The following PCDHA4 variants were observed in gnomAD, a reference collection of about 807,000 sequenced individuals.
The protein encoded by PCDHA4 is protocadherin alpha 4.
In PCDHA4, 49 loss-of-function variants were observed where a neutral mutation model predicts 61.4. The observed-to-expected ratio is 0.80, with a 90% CI of 0.63 to 1.01. The LOEUF (loss-of-function observed/expected upper bound fraction) is 1.01. Ranked by LOEUF, PCDHA4 falls within the 50% of genes least tolerant of loss-of-function variation. The probability of loss-of-function intolerance (pLI) is 0.00; values close to 1 mark genes in which losing one functional copy is unlikely to be tolerated. For synonymous variants in PCDHA4, 590 were observed against 550.3 expected (o/e 1.07, Z -1.01); for missense variants, 1,254 against 1,235.8 (o/e 1.01, Z -0.22).
chr5:140,836,679 A>G (rs2150267656), intron 1 of PCDHA4: 3 of 1,613,334 alleles, frequency 1.9e-6, no homozygotes, highest in East Asian at 4.5e-5. Context: ...GGGCCCACCC[A>G]AGACAGACCT....
At chr5:140,822,900 CCGTGA>C in intron 1 of PCDHA4, 1 of 1,614,266 alleles carries the variant, frequency 6.2e-7, no homozygotes. Flanking sequence ...GCGTGTCTGA[CCGTGA>C]CTCAGGTGCC....
In PCDHA4 at chr5:140,857,433, T is replaced by C. The variant is rs2044590478; in HGVS notation, c.2385+47861T>C. On this transcript the variant is annotated intron_variant, in intron 1 of 3. Transcript: ENST00000530339. ...TTCGCGCAGTCCGAGTACACGGTGTTCGTGAAGGAGAACAACCCGCCAGGC... is the reference window on the plus strand; with the variant it reads ...TTCGCGCAGTCCGAGTACACGGTGTCCGTGAAGGAGAACAACCCGCCAGGC... 2.5e-6 allele frequency: 4 copies of C among 1,598,232 alleles called. 1 individual carries two copies. Among genetic ancestry groups the C allele is most frequent in the Non-Finnish European group, 3.4e-6 (4 of 1,167,768 alleles).
intron 1 of PCDHA4, chr5:140,862,465 G>A (rs1462351326): frequency 8.1e-6 from 3 of 371,280 alleles, no homozygotes; most frequent in Non-Finnish European, 1.6e-5. Flanking sequence ...GACCAAGAGA[G>A]CAAATCTATC....
intron 1 of PCDHA4, among the ~76,000 whole-genome samples, chr5:140,959,860 A>G (rs1554224378): frequency 6.6e-6 from 1 of 152,230 alleles, no homozygotes; most frequent in East Asian, 1.9e-4. Context: ...GGAATTATGT[A>G]GCAAAATCTG....
chr5:140,869,663 A>G (rs782419090), intron 1 of PCDHA4: 5 of 1,613,538 alleles, frequency 3.1e-6, no homozygotes, highest in Non-Finnish European at 4.2e-6. Flanking sequence ...ACAAATGGTA[A>G]GCAGATTAAA....
At chr5:140,828,315 T>G in intron 1 of PCDHA4, 1 of 1,614,172 alleles carries the variant, frequency 6.2e-7, no homozygotes, top group Non-Finnish European at 8.5e-7. Flanking sequence ...GAGGACCTTC[T>G]GGAGGTAAAT....
intron 1 of PCDHA4, chr5:140,829,485 A>G (rs2150168670): frequency 1.9e-6 from 3 of 1,613,760 alleles, no homozygotes; most frequent in Non-Finnish European, 1.7e-6. Context: ...GTGTTCGTGA[A>G]GGAGAACAAC....
chr5:140,852,573 G>A, intron 1 of PCDHA4: 2 of 794,360 alleles, frequency 2.5e-6, no homozygotes, highest in Non-Finnish European at 3.1e-6. Flanking sequence ...ACTGTGCCAA[G>A]GCTTTTTTAT....
At chr5:140,834,114 G>A in intron 1 of PCDHA4, 1 of 419,090 alleles carries the variant, frequency 2.4e-6, no homozygotes, top group Admixed American at 4.0e-5. Context: ...TTCAGAGTTT[G>A]AAATAAAACT....
chr5:140,904,328 C>T (rs1469107868), intron 1 of PCDHA4, among the ~76,000 whole-genome samples: 2 of 151,958 alleles, frequency 1.3e-5, no homozygotes, highest in South Asian at 2.1e-4. Flanking sequence ...ATAATGGTCT[C>T]CAGTTCCATC....
At chr5:140,913,867 T>G (rs1554196087) in intron 1 of PCDHA4, among the ~76,000 whole-genome samples, 2 of 152,234 alleles carry the variant, frequency 1.3e-5, no homozygotes. Flanking sequence ...TTGTTTAATT[T>G]CCATGTGTTC....
chr5:140,998,565 A>G, intron 3 of PCDHA4, among the ~76,000 whole-genome samples: 1 of 113,790 alleles, frequency 8.8e-6, no homozygotes. Context: ...TTTATTGTAA[A>G]TAAGTTTTTT....
At chr5:140,857,925 A>G (rs1291686886) in intron 1 of PCDHA4, 2 of 1,597,800 alleles carry the variant, frequency 1.3e-6, no homozygotes. Context: ...GTGGGGCTGT[A>G]CACGGGCGAG....
chr5:140,884,466 C>T (rs1212644572), intron 1 of PCDHA4: 3 of 1,613,764 alleles, frequency 1.9e-6, no homozygotes, highest in Non-Finnish European at 2.5e-6. Context: ...GGCGCGTGCG[C>T]GCCGGGCAAG....
chr5:140,851,536 A>G, intron 1 of PCDHA4: 1 of 906,554 alleles, frequency 1.1e-6, no homozygotes, highest in African/African-American at 1.8e-5. Context: ...GACAATGTAG[A>G]TAATTCAAGA....
chr5:140,850,941 T>A lies in PCDHA4; in HGVS notation c.2385+41369T>A. The A allele has an allele frequency of 2.0e-6, 3 of 1,505,592 alleles. 1 individual carries two copies. 93.3% of individuals were successfully genotyped at this position (1,505,592 alleles called of 1,614,324 possible). On this transcript the variant is annotated intron_variant, in intron 1 of 3. Coordinates refer to ENST00000530339, the MANE Select transcript of PCDHA4 (RefSeq NM_018907.4). ...TTATATAATTTTTTTTCTTGAAAGATATTATCGATTACTCCCAGGGGCCGT... is the reference window on the plus strand; with the variant it reads ...TTATATAATTTTTTTTCTTGAAAGAAATTATCGATTACTCCCAGGGGCCGT...
At chr5:140,927,481 G>A in intron 1 of PCDHA4, 1 of 1,614,072 alleles carries the variant, frequency 6.2e-7, no homozygotes, top group Non-Finnish European at 8.5e-7. Flanking sequence ...CGAACAGCGC[G>A]CCACCCACCT....
chr5:140,914,510 A>G (rs900880100), intron 1 of PCDHA4, among the ~76,000 whole-genome samples: 1 of 152,100 alleles, frequency 6.6e-6, no homozygotes, highest in Non-Finnish European at 1.5e-5. Context: ...TCATTGGGTC[A>G]TGTTTTTTCA....
At chr5:140,985,044 T>G (rs183944640) in intron 3 of PCDHA4, among the ~76,000 whole-genome samples, 1 of 152,158 alleles carries the variant, frequency 6.6e-6, no homozygotes, top group Admixed American at 6.5e-5. Flanking sequence ...TTCAAGTGAT[T>G]CTCCTGCCTC....
Sources: allele counts gnomAD v4.1 joint callset (sites outside exome capture counted in the v4.1 genomes callset), GRCh38; gene constraint gnomAD v4.1.1; transcripts MANE v1.5; gene names NCBI Gene and HGNC (gene_info 2026-07-23, HGNC 2026-07-21).